CTNNA2: variants seen among roughly 807,000 people sequenced by gnomAD.
CTNNA2 encodes catenin alpha 2.
In CTNNA2, 42 loss-of-function variants were observed where a neutral mutation model predicts 101.0. That is an observed-to-expected ratio of 0.42 (90% CI 0.32 to 0.54). The LOEUF is 0.54. CTNNA2 is among the 20% of genes least tolerant of loss of function. The pLI is 0.14. For synonymous variants in CTNNA2, 450 were observed against 456.4 expected, an observed-to-expected ratio of 0.99 and a Z score of 0.18; for missense variants, 871 against 1,223.1, an observed-to-expected ratio of 0.71 and a Z score of 4.29.
rs148309054 is a variant in CTNNA2, at chr2:80,428,429, G to C, written c.1290+8828G>C. Among the ~76,000 whole-genome samples, 4 of 152,210 alleles carry C rather than the reference G, an allele frequency of 2.6e-5. No homozygotes were observed. The South Asian group carries it at 8.3e-4, about 32-fold the overall frequency. On this transcript the variant is annotated intron_variant, in intron 9 of 18. Coordinates refer to ENST00000402739, the MANE Select transcript of CTNNA2 (RefSeq NM_001282597.3). ...AGTGATTAGTACTATGACTAGAAGA[G>C]AGGCAAGGTCAGTGGGAAGATGCGG...
intron 9 of CTNNA2, among the ~76,000 whole-genome samples, chr2:80,537,346 C>T (rs1322514635): frequency 6.6e-6 from 1 of 152,180 alleles, no homozygotes; most frequent in African/African-American, 2.4e-5. Context: ...TTGGTTGGTA[C>T]TATGCCTTTG....
At chr2:80,356,286 T>A (rs918358012) in intron 7 of CTNNA2, among the ~76,000 whole-genome samples, 3 of 152,140 alleles carry the variant, frequency 2.0e-5, no homozygotes, top group Non-Finnish European at 2.9e-5. Flanking sequence ...GAAAATGGAA[T>A]CTGTATTTGC....
intron 7 of CTNNA2, among the ~76,000 whole-genome samples, chr2:80,159,901 C>A (rs192022370): frequency 5.3e-5 from 8 of 152,302 alleles, no homozygotes; most frequent in Admixed American, 2.0e-4. Flanking sequence ...GAACTCCTTT[C>A]CTAGTCCTAG....
chr2:80,172,361 G>T (rs900481775), intron 7 of CTNNA2, among the ~76,000 whole-genome samples: 2 of 152,132 alleles, frequency 1.3e-5, no homozygotes, highest in African/African-American at 4.8e-5. Flanking sequence ...ACAGGTTCTA[G>T]GTTACTGGCC....
At chr2:80,311,502 A>G (rs1307223176) in intron 7 of CTNNA2, among the ~76,000 whole-genome samples, 1 of 152,188 alleles carries the variant, frequency 6.6e-6, no homozygotes, top group East Asian at 1.9e-4. Flanking sequence ...CCATCCTATG[A>G]AGGCAATTCC....
At chr2:80,585,568 C>T (rs1021935908) in intron 14 of CTNNA2, among the ~76,000 whole-genome samples, 2 of 151,974 alleles carry the variant, frequency 1.3e-5, no homozygotes, top group Admixed American at 6.6e-5. Context: ...TCTCATGTTC[C>T]CTTAGTTTGA....
Position 80,120,263 on chromosome 2 carries a change from C to A in CTNNA2, c.1056+210466C>A, listed in dbSNP as rs138439800. Among the ~76,000 whole-genome samples the A allele has an allele frequency of 2.1e-4, 32 of 152,156 alleles. No individual in the cohort carries two copies. In the East Asian group the frequency reaches 6.0e-3, roughly 28 times the overall value. On this transcript the variant is annotated intron_variant, in intron 7 of 18. Transcript: ENST00000402739. ...TGAGCTAAATATCTGCACATAATTT[C>A]CAGTGTAAATTTTGTGAATATATGG... is the stretch of plus-strand genomic sequence containing the variant.
rs35356469 is a variant in CTNNA2 at position 79,916,680 on chromosome 2, T to A, written c.1056+6883T>A. 2.5e-3 allele frequency among the ~76,000 whole-genome samples: 375 copies of A among 150,816 alleles called. 3 individuals are homozygous for A. Among genetic ancestry groups the A allele is most frequent in the African/African-American group, 9.0e-3 (368 of 40,926 alleles). ...TAGCTGCAAGCTCCACCTCCTGGGT[T>A]CAAGCGATTCCCCTGCCTCAGCCTC... On this transcript the variant is annotated intron_variant, in intron 7 of 18. Coordinates refer to ENST00000402739, the MANE Select transcript of CTNNA2 (RefSeq NM_001282597.3).
intron 3 of CTNNA2, among the ~76,000 whole-genome samples, chr2:79,349,787 A>T (rs143843914): frequency 9.6e-4 from 146 of 152,314 alleles, no homozygotes; most frequent in South Asian, 2.9e-3. Flanking sequence ...AAACCATTAT[A>T]TTAGAAAGAA....
At chr2:80,434,884 G>T (rs1357510191) in intron 9 of CTNNA2, among the ~76,000 whole-genome samples, 1 of 152,090 alleles carries the variant, frequency 6.6e-6, no homozygotes, top group African/African-American at 2.4e-5. Context: ...ATGCTAACTG[G>T]CCCGGCCTCA....
intron 4 of CTNNA2, among the ~76,000 whole-genome samples, chr2:79,485,135 A>G (rs1279587418): frequency 1.3e-5 from 2 of 152,206 alleles, no homozygotes; most frequent in Non-Finnish European, 1.5e-5. Context: ...AACTTTGTGT[A>G]GTAGAATAAT....
At chr2:79,740,703 A>T (rs7587388) in intron 2 of CTNNA2, among the ~76,000 whole-genome samples, 2 of 151,984 alleles carry the variant, frequency 1.3e-5, no homozygotes, top group South Asian at 2.1e-4. Flanking sequence ...TTTGTCGTTT[A>T]GCAGCCTCTC....
chr2:79,420,667 A>T (rs1202202113), intron 4 of CTNNA2, among the ~76,000 whole-genome samples: 1 of 152,196 alleles, frequency 6.6e-6, no homozygotes, highest in Non-Finnish European at 1.5e-5. Context: ...CAATAGTAGT[A>T]CCTATCTCAA....
chr2:80,365,792 A>G (rs1202167816), intron 7 of CTNNA2, among the ~76,000 whole-genome samples: 4 of 152,200 alleles, frequency 2.6e-5, no homozygotes, highest in Non-Finnish European at 4.4e-5. Flanking sequence ...GATTTTTGCA[A>G]TCAGACTGTG....
chr2:80,207,389 A>G (rs1707598986), intron 7 of CTNNA2, among the ~76,000 whole-genome samples: 1 of 152,140 alleles, frequency 6.6e-6, no homozygotes, highest in African/African-American at 2.4e-5. Context: ...AAATAAGGAG[A>G]TATGATTTTA....
chr2:80,547,962 T>C (rs1398632118), intron 11 of CTNNA2, among the ~76,000 whole-genome samples: 1 of 152,004 alleles, frequency 6.6e-6, no homozygotes, highest in Non-Finnish European at 1.5e-5. Context: ...AAAGTGCTGG[T>C]ATTACAGGCG....
chr2:79,368,860 A>G (rs1227890658), intron 3 of CTNNA2, among the ~76,000 whole-genome samples: 1 of 152,200 alleles, frequency 6.6e-6, no homozygotes, highest in Non-Finnish European at 1.5e-5. Context: ...CACTTTGTTT[A>G]GATAAAGCTT....
chr2:79,429,730 T>A (rs1394451284), intron 4 of CTNNA2, among the ~76,000 whole-genome samples: 2 of 152,036 alleles, frequency 1.3e-5, no homozygotes, highest in Non-Finnish European at 2.9e-5. Context: ...CAAATGAAAC[T>A]CCAAGGGCAA....
intron 7 of CTNNA2, among the ~76,000 whole-genome samples, chr2:80,020,254 A>T (rs1694459466): frequency 6.6e-6 from 1 of 152,212 alleles, no homozygotes; most frequent in Non-Finnish European, 1.5e-5. Flanking sequence ...GGACACTGGA[A>T]TGGAGTCTGT....
Sources: allele counts gnomAD v4.1 joint callset (sites outside exome capture counted in the v4.1 genomes callset), GRCh38; gene constraint gnomAD v4.1.1; transcripts MANE v1.5; gene names NCBI Gene and HGNC (gene_info 2026-07-23, HGNC 2026-07-21).